UTRN: variants seen among roughly 807,000 people sequenced by gnomAD.
The protein encoded by UTRN is utrophin.
In UTRN, 283 loss-of-function variants were observed where a neutral mutation model predicts 463.9. That is an observed-to-expected ratio of 0.61 (90% CI 0.55 to 0.67). The LOEUF (loss-of-function observed/expected upper bound fraction) is 0.67, where lower values mean the gene tolerates loss of function less well. UTRN is among the 30% of genes least tolerant of loss of function. The pLI is 0.00. For missense variants in UTRN, 3,922 were observed against 4,084.3 expected, an observed-to-expected ratio of 0.96 and a Z score of 1.08; for synonymous variants, 1,442 against 1,431.5, an observed-to-expected ratio of 1.01 and a Z score of -0.17.
At chr6:144,749,015 C>T (rs1432796586) in intron 55 of UTRN, among the ~76,000 whole-genome samples, 1 of 152,022 alleles carries the variant, frequency 6.6e-6, no homozygotes, top group Admixed American at 6.6e-5. Flanking sequence ...TAATCAAAAG[C>T]ACACTCTTTT....
chr6:144,493,343 A>G lies in UTRN; in HGVS notation c.4480A>G (p.Thr1494Ala), dbSNP rs1163810137. 6.2e-7 allele frequency: 1 copy of G among 1,614,038 alleles called. No individual in the cohort carries two copies. The highest frequency in any genetic ancestry group is 8.5e-7 in the Non-Finnish European group (1 of 1,180,008). Residue 1494 changes from threonine (T) to alanine (A), a missense_variant, in exon 33 of 75, where the codon ACT (threonine) becomes GCT (alanine). Physicochemically the swap from Thr to Ala is moderately conservative, Grantham distance 58 (BLOSUM62 0). Around this residue, in one of 3 missense-constraint regions of UTRN, gnomAD observed 2,349 missense variants for 2,303.8 expected, o/e 1.02. Transcript: ENST00000367545. ...GAGTGAAGTCAAACTTGAAGTGGAA[A>G]CTGTGATTAAAACAGGAAGACATAT... The part of the protein sequence containing the change: ...TLSEVKLEVE[T>A]VIKTGRHIVQ...
intron 34 of UTRN, among the ~76,000 whole-genome samples, chr6:144,510,611 C>G (rs1189082372): frequency 6.6e-6 from 1 of 151,948 alleles, no homozygotes; most frequent in Non-Finnish European, 1.5e-5. Flanking sequence ...TGAAATTGAG[C>G]CTTTACATTT....
chr6:144,351,565 C>G (rs1367633025), intron 2 of UTRN, among the ~76,000 whole-genome samples: 1 of 152,114 alleles, frequency 6.6e-6, no homozygotes, highest in African/African-American at 2.4e-5. Context: ...TCAAAGTTTG[C>G]TATCATTTGT....
At chr6:144,589,212 A>T (rs1802764990) in intron 51 of UTRN, among the ~76,000 whole-genome samples, 1 of 152,194 alleles carries the variant, frequency 6.6e-6, no homozygotes, top group Admixed American at 6.5e-5. Flanking sequence ...AACAGAATTG[A>T]GAGAAAAATG....
At chr6:144,751,570 C>G (rs1251968067) in intron 55 of UTRN, among the ~76,000 whole-genome samples, 1 of 152,102 alleles carries the variant, frequency 6.6e-6, no homozygotes, top group Non-Finnish European at 1.5e-5. Flanking sequence ...ATGGAACCTG[C>G]ATGTAGGAAA....
intron 51 of UTRN, among the ~76,000 whole-genome samples, chr6:144,592,047 G>A (rs2128632189): frequency 6.6e-6 from 1 of 152,288 alleles, no homozygotes; most frequent in Non-Finnish European, 1.5e-5. Context: ...AATTTGCTCT[G>A]TAGCTTTATT....
chr6:144,468,787 G>A (rs370540007), intron 23 of UTRN, among the ~76,000 whole-genome samples: 7 of 152,282 alleles, frequency 4.6e-5, no homozygotes, highest in Admixed American at 1.3e-4. Context: ...TGGTGGAATT[G>A]ACTTAAAGAT....
At chr6:144,485,933 A>G (rs998114450) in intron 28 of UTRN, among the ~76,000 whole-genome samples, 2 of 152,224 alleles carry the variant, frequency 1.3e-5, no homozygotes, top group African/African-American at 4.8e-5. Context: ...CAGATGCTAG[A>G]AGTTAAGACA....
At position 144,641,056 on chromosome 6, in the gene UTRN, C is replaced by T. The variant is rs112854908; in HGVS notation, c.7480-37350C>T. Among the ~76,000 whole-genome samples, 506 of 152,114 alleles carry T rather than the reference C, an allele frequency of 3.3e-3. 4 individuals are homozygous for T. Among genetic ancestry groups the T allele is most frequent in the African/African-American group, 0.011 (474 of 41,500 alleles). ...TTACCAATGATAATAACTCTGAACC[C>T]AAGAATATCTGAGACAGTTCTCAAT... On this transcript the variant is annotated intron_variant, in intron 51 of 74. Transcript: ENST00000367545.
intron 2 of UTRN, among the ~76,000 whole-genome samples, chr6:144,306,554 G>C (rs1805758019): frequency 6.6e-6 from 1 of 152,106 alleles, no homozygotes; most frequent in Non-Finnish European, 1.5e-5. Flanking sequence ...TCTAGGTTTT[G>C]TGGAGAGGGC....
chr6:144,410,939 G>C (rs974464128), intron 3 of UTRN, among the ~76,000 whole-genome samples: 1 of 152,016 alleles, frequency 6.6e-6, no homozygotes, highest in African/African-American at 2.4e-5. Flanking sequence ...CATCTTTTTG[G>C]TATAATGGCT....
At chr6:144,708,928 G>A (rs919245125) in intron 53 of UTRN, among the ~76,000 whole-genome samples, 1 of 152,112 alleles carries the variant, frequency 6.6e-6, no homozygotes, top group East Asian at 1.9e-4. Context: ...AAAGGCAAGA[G>A]AGCGTTCATG....
chr6:144,297,118 A>G (rs1179152457), intron 2 of UTRN, among the ~76,000 whole-genome samples: 2 of 152,012 alleles, frequency 1.3e-5, no homozygotes, highest in Non-Finnish European at 2.9e-5. Flanking sequence ...TGGATTTCAT[A>G]AGGACTGACA....
At chr6:144,529,084 C>T (rs114200299) in intron 41 of UTRN, among the ~76,000 whole-genome samples, 264 of 152,238 alleles carry the variant, frequency 1.7e-3, no homozygotes, top group African/African-American at 5.9e-3. Flanking sequence ...TGAGGGAAAG[C>T]GTGCAGTTGC....
rs1249038763 is a variant in UTRN, at chr6:144,803,004, C to G, written c.9246-32C>G. 3 of 1,437,036 alleles carry G rather than the reference C, an allele frequency of 2.1e-6. No individual in the cohort carries two copies. In the East Asian group the frequency reaches 7.2e-5, roughly 35 times the overall value. 89.0% of individuals were successfully genotyped at this position (1,437,036 alleles called of 1,614,324 possible). ...AAATTTAGACTAAATGATAGTAATG[C>G]AAGCCAATAAATTTTCTTTTGTTTT... On this transcript the variant is annotated intron_variant, in intron 64 of 74. Coordinates refer to ENST00000367545, the MANE Select transcript of UTRN (RefSeq NM_007124.3).
chr6:144,558,783 G>A (rs1799607864), intron 50 of UTRN, among the ~76,000 whole-genome samples: 2 of 152,024 alleles, frequency 1.3e-5, no homozygotes, highest in African/African-American at 4.8e-5. Context: ...GTCACAGAGA[G>A]AGATTGTTTT....
chr6:144,381,830 A>G (rs1584526337), intron 2 of UTRN, among the ~76,000 whole-genome samples: 1 of 152,174 alleles, frequency 6.6e-6, no homozygotes, highest in African/African-American at 2.4e-5. Flanking sequence ...AGTCTTGGGT[A>G]TATGTTTATC....
chr6:144,398,364 C>A, intron 2 of UTRN: 4 of 360,268 alleles, frequency 1.1e-5, no homozygotes, highest in South Asian at 8.3e-5. Context: ...CACTTATTCT[C>A]ACCAGGGACT....
intron 2 of UTRN, among the ~76,000 whole-genome samples, chr6:144,306,700 T>G (rs987039541): frequency 6.6e-6 from 1 of 152,034 alleles, no homozygotes; most frequent in African/African-American, 2.4e-5. Context: ...CCTTGAAAAC[T>G]GGCAGCTGGA....
Sources: gnomAD v4.1 joint callset for allele counts (sites outside exome capture counted in the v4.1 genomes callset) on GRCh38, gnomAD v4.1.1 for gene constraint, gnomAD v4.1.1 regional missense constraint, MANE v1.5 for transcripts, NCBI Gene and HGNC (gene_info 2026-07-23, HGNC 2026-07-21) for gene names.